The following CMPK1 variants were observed in gnomAD, a reference collection of about 807,000 sequenced individuals.
CMPK1 encodes the protein cytidine/uridine monophosphate kinase 1, also known as UMP-CMP kinase.
A neutral mutation model predicts 25.7 loss-of-function variants in CMPK1; 10 were observed. That is an observed-to-expected ratio of 0.39 (90% CI 0.24 to 0.66). The LOEUF is 0.66. CMPK1 is among the 30% of genes least tolerant of loss of function. CMPK1 has a pLI of 0.48. For missense variants in CMPK1, 199 were observed against 280.5 expected, an observed-to-expected ratio of 0.71 and a Z score of 2.08; for synonymous variants, 106 against 101.5, an observed-to-expected ratio of 1.04 and a Z score of -0.27.
intron 1 of CMPK1, among the ~76,000 whole-genome samples, chr1:47,336,138 G>GAAATAAATAAAT (rs61064131): frequency 0.15 from 22,453 of 150,380 alleles, 2,115 homozygotes; most frequent in Admixed American, 0.26. Context: ...CTCCGTCTCA[G>GAAATAAATAAAT]AAATAAATAA....
intron 1 of CMPK1, among the ~76,000 whole-genome samples, chr1:47,343,924 T>A (rs1646463653): frequency 1.3e-5 from 2 of 151,548 alleles, no homozygotes; most frequent in African/African-American, 4.8e-5. Context: ...AAAAATTAGC[T>A]GGGCCTGGTG....
At chr1:47,372,819 T>C (rs1646685742) in intron 2 of CMPK1, 136 bp from the exon 3 acceptor site, 3 of 492,584 alleles carry the variant, frequency 6.1e-6, no homozygotes, top group Non-Finnish European at 9.8e-6. Context: ...TTTTCTTTTT[T>C]TTTTTTGCTA....
intron 1 of CMPK1, among the ~76,000 whole-genome samples, chr1:47,342,644 TTTTTC>T (rs1199110130): frequency 1.8e-5 from 2 of 112,840 alleles, no homozygotes; most frequent in Non-Finnish European, 3.4e-5. Context: ...CTTTTTCTCT[TTTTTC>T]TTTTTTTTTT....
chr1:47,367,635 C>T (rs548406357), intron 1 of CMPK1, among the ~76,000 whole-genome samples: 14 of 152,200 alleles, frequency 9.2e-5, no homozygotes, highest in South Asian at 6.2e-4. Context: ...GTTGTTGTAA[C>T]TGAGCGATAA....
chr1:47,353,182 A>G (rs1646534634), intron 1 of CMPK1, among the ~76,000 whole-genome samples: 1 of 152,216 alleles, frequency 6.6e-6, no homozygotes, highest in African/African-American at 2.4e-5. Flanking sequence ...TAGAAGTGGC[A>G]TTTCTAGAAT....
intron 1 of CMPK1, chr1:47,358,909 G>A: frequency 1.0e-6 from 1 of 985,354 alleles, no homozygotes; most frequent in African/African-American, 1.7e-5. Context: ...TCATGAAGAG[G>A]ATCTTTACAT....
intron 2 of CMPK1, among the ~76,000 whole-genome samples, chr1:47,369,180 A>T (rs1646659882): frequency 6.6e-6 from 1 of 151,744 alleles, no homozygotes; most frequent in Admixed American, 6.6e-5. Context: ...ATTTTTTTCT[A>T]TTTTTTGTGG....
intron 1 of CMPK1, among the ~76,000 whole-genome samples, chr1:47,359,189 C>T (rs1447531748): frequency 5.9e-5 from 9 of 151,424 alleles, no homozygotes; most frequent in Non-Finnish European, 1.2e-4. Context: ...TGTTGGCGGG[C>T]GCCTGTAGTC....
At chr1:47,362,625 A>G (rs1646611612) in intron 1 of CMPK1, among the ~76,000 whole-genome samples, 1 of 152,190 alleles carries the variant, frequency 6.6e-6, no homozygotes, top group South Asian at 2.1e-4. Context: ...GCTAATTTAA[A>G]ATATTACTCT....
intron 1 of CMPK1, among the ~76,000 whole-genome samples, chr1:47,346,828 C>G (rs1417990849): frequency 1.4e-5 from 2 of 141,974 alleles, no homozygotes; most frequent in Admixed American, 1.4e-4. Flanking sequence ...CTCTCCCCCT[C>G]CCCATCTCTC....
rs1646719477 is a variant in CMPK1 at position 47,378,117 on chromosome 1, C to T, written c.*1372C>T. 6.6e-6 allele frequency: 1 copy of T among 152,102 alleles called. No individual in the cohort carries two copies. Among genetic ancestry groups the T allele is most frequent in the South Asian group, 2.1e-4 (1 of 4,828 alleles). 9.4% of individuals were successfully genotyped at this position (152,102 alleles called of 1,614,324 possible). Reference sequence around the variant, plus strand: ...ATATTTAAAGTCACTGGAAATAGGACAAGTTAATGGATGTTTTTATATTTT... The same window carrying T: ...ATATTTAAAGTCACTGGAAATAGGATAAGTTAATGGATGTTTTTATATTTT... On this transcript the variant is annotated 3_prime_UTR_variant, in exon 6 of 6. Transcript: ENST00000371873.
At chr1:47,351,704 T>C (rs1235555804) in intron 1 of CMPK1, among the ~76,000 whole-genome samples, 1 of 152,220 alleles carries the variant, frequency 6.6e-6, no homozygotes, top group African/African-American at 2.4e-5. Context: ...CCACCAGCAG[T>C]ATACAAAGGT....
chr1:47,336,372 A>G (rs1646399034), intron 1 of CMPK1, among the ~76,000 whole-genome samples: 2 of 152,132 alleles, frequency 1.3e-5, no homozygotes, highest in South Asian at 4.1e-4. Flanking sequence ...GCTGTTTTGT[A>G]TGGTATTTGT....
chr1:47,373,662 G>A (rs188372261), intron 3 of CMPK1, among the ~76,000 whole-genome samples: 3 of 152,170 alleles, frequency 2.0e-5, no homozygotes, highest in African/African-American at 7.2e-5. Flanking sequence ...CTGGCATGGT[G>A]GCATATGCCT....
chr1:47,350,886 C>T (rs923224858), intron 1 of CMPK1, among the ~76,000 whole-genome samples: 2 of 148,434 alleles, frequency 1.3e-5, no homozygotes, highest in African/African-American at 2.5e-5. Context: ...CCAGCCTGGG[C>T]GACAAAGTGA....
chr1:47,355,611 C>T (rs1330527135), intron 1 of CMPK1, among the ~76,000 whole-genome samples: 1 of 151,396 alleles, frequency 6.6e-6, no homozygotes, highest in African/African-American at 2.4e-5. Flanking sequence ...TCATGCCCGG[C>T]CTTTTTTTCT....
chr1:47,359,608 C>T (rs1451990263), intron 1 of CMPK1, among the ~76,000 whole-genome samples: 6 of 151,678 alleles, frequency 4.0e-5, no homozygotes, highest in East Asian at 3.9e-4. Context: ...AGGCTGGTGT[C>T]GAACTCCTGA....
chr1:47,347,956 A>C (rs535106804), intron 1 of CMPK1, among the ~76,000 whole-genome samples: 1 of 152,280 alleles, frequency 6.6e-6, no homozygotes, highest in African/African-American at 2.4e-5. Context: ...AAAATTAACT[A>C]TCTTGTGTTC....
intron 1 of CMPK1, among the ~76,000 whole-genome samples, chr1:47,345,645 C>T (rs1330369554): frequency 1.3e-5 from 2 of 151,698 alleles, no homozygotes; most frequent in African/African-American, 4.8e-5. Flanking sequence ...AGGTGCCCAC[C>T]ACCACGCCCG....
Sources: gnomAD v4.1 joint callset for allele counts (sites outside exome capture counted in the v4.1 genomes callset) on GRCh38, gnomAD v4.1.1 for gene constraint, MANE v1.5 for transcripts, NCBI Gene and HGNC (gene_info 2026-07-23, HGNC 2026-07-21) for gene names.